Variants in BRSK2 observed in about 807,000 individuals in gnomAD.
The protein encoded by BRSK2 is BR serine/threonine kinase 2.
In BRSK2, 19 loss-of-function variants were observed where a neutral mutation model predicts 83.3. That is an observed-to-expected ratio of 0.23 (90% CI 0.16 to 0.33). The LOEUF is 0.33. Among genes scored for constraint, BRSK2 ranks in the 10% least tolerant of loss-of-function variants. BRSK2 has a pLI of 1.00. For missense variants in BRSK2, 798 were observed against 1,042.3 expected (o/e 0.77, Z 3.23); for synonymous variants, 519 against 435.4 (o/e 1.19, Z -2.39).
intron 12 of BRSK2, among the ~76,000 whole-genome samples, chr11:1,446,113 A>ACTGGACTGGGCTAG (rs1564859315): frequency 0.027 from 2,652 of 97,162 alleles, 70 homozygotes; most frequent in African/African-American, 0.085. Flanking sequence ...CTGGGCTGGG[A>ACTGGACTGGGCTAG]GCTGAGCTGG....
Position 1,454,649 on chromosome 11 carries a change from A to C in BRSK2, c.1668+41A>C. The stretch of plus-strand genomic sequence containing the variant: ...GCTGGGGGAGGCGGGCAGCCCTCCC[A>C]ACCCCACACGGCCCAGCCCCGAGAA... On this transcript the variant is annotated intron_variant, in intron 16 of 19. Coordinates refer to ENST00000528841, the MANE Select transcript of BRSK2 (RefSeq NM_001256627.2). The surrounding 1 kb of genome is among the most constrained non-coding windows in gnomAD (Gnocchi z 5.2). The C allele has an allele frequency of 6.2e-7, 1 of 1,608,448 alleles. No homozygotes were observed. The highest frequency in any genetic ancestry group is 8.5e-7 in the Non-Finnish European group (1 of 1,178,384).
In BRSK2 at chr11:1,449,786, A is replaced by G. The variant is rs376752748; in HGVS notation, c.1237A>G (p.Ile413Val). Residue 413 changes from isoleucine to valine, a missense_variant, in exon 13 of 20, where the codon ATC (isoleucine) becomes GTC (valine). Coordinates refer to ENST00000528841, the MANE Select transcript of BRSK2 (RefSeq NM_001256627.2). The stretch of plus-strand genomic sequence containing the variant: ...CCTTGTGACCTCCAGGTCTCGGTCC[A>G]TCAGCGGTGCCTCCTCAGGCCTTTC... ...MAQHGQRSRS[I>V]SGASSGLSTS... The G allele has an allele frequency of 2.3e-5, 37 of 1,612,000 alleles. No homozygotes were observed. The highest frequency in any genetic ancestry group is 3.0e-5 in the Non-Finnish European group (35 of 1,179,490).
intron 1 of BRSK2, among the ~76,000 whole-genome samples, chr11:1,424,083 G>A (rs915794360): frequency 7.2e-5 from 11 of 152,172 alleles, no homozygotes; most frequent in Non-Finnish European, 1.2e-4. Flanking sequence ...ACATTCATGC[G>A]CCCCAGGCAC....
intron 1 of BRSK2, among the ~76,000 whole-genome samples, chr11:1,418,167 T>A (rs1408212622): frequency 2.1e-5 from 3 of 145,128 alleles, no homozygotes; most frequent in African/African-American, 7.8e-5. Context: ...TTCTGTTGGC[T>A]GTTTCTTCTC....
At chr11:1,455,867 G>A (rs1463105891) in intron 16 of BRSK2, among the ~76,000 whole-genome samples, 4 of 152,046 alleles carry the variant, frequency 2.6e-5, no homozygotes, top group African/African-American at 4.8e-5. Context: ...CACCCAGCCA[G>A]TGCCCAGCAC....
intron 1 of BRSK2, among the ~76,000 whole-genome samples, chr11:1,425,816 C>T (rs1025706006): frequency 4.6e-5 from 7 of 152,168 alleles, no homozygotes; most frequent in African/African-American, 9.7e-5. Context: ...CACTCCAGGC[C>T]GTGGCACTAG....
chr11:1,418,822 C>T (rs1848365966), intron 1 of BRSK2, among the ~76,000 whole-genome samples: 1 of 152,274 alleles, frequency 6.6e-6, no homozygotes, highest in South Asian at 2.1e-4. Context: ...CAGATCCAAA[C>T]AGGACTTCAG....
At chr11:1,433,932 C>G (rs1849926504) in intron 1 of BRSK2, among the ~76,000 whole-genome samples, 1 of 152,258 alleles carries the variant, frequency 6.6e-6, no homozygotes, top group South Asian at 2.1e-4. Flanking sequence ...GGGTCCCCCA[C>G]CCGGCCTGGG....
At chr11:1,451,632 T>C (rs1274360876) in intron 15 of BRSK2, among the ~76,000 whole-genome samples, 1 of 152,144 alleles carries the variant, frequency 6.6e-6, no homozygotes, top group African/African-American at 2.4e-5. Context: ...CCCAGCCCTG[T>C]TGAGAAGCTT....
At chr11:1,392,354 A>G (rs1158958081) in intron 1 of BRSK2, among the ~76,000 whole-genome samples, 1 of 152,174 alleles carries the variant, frequency 6.6e-6, no homozygotes, top group Non-Finnish European at 1.5e-5. Flanking sequence ...CCTTCCAGGG[A>G]CCTGGCCACA....
At chr11:1,404,795 C>T (rs917516864) in intron 1 of BRSK2, among the ~76,000 whole-genome samples, 18 of 152,228 alleles carry the variant, frequency 1.2e-4, no homozygotes, top group South Asian at 6.2e-4. Flanking sequence ...ATTCTTACCG[C>T]GCCCTGGAGA....
chr11:1,454,626 TG>T lies in BRSK2; in HGVS notation c.1668+23del. ...TCCTGTCGGTGAGGCCACAGGGCGC[TG>T]GGGGAGGCGGGCAGCCCTCCCAACC... On this transcript the variant is annotated intron_variant, in intron 16 of 19. Transcript: ENST00000528841. The surrounding 1 kb of genome is among the most constrained non-coding windows in gnomAD (Gnocchi z 5.2). 1 of 1,611,852 alleles carries T rather than the reference TG, an allele frequency of 6.2e-7. No homozygotes were observed.
chr11:1,416,596 A>C (rs1190529096), intron 1 of BRSK2, among the ~76,000 whole-genome samples: 3 of 152,058 alleles, frequency 2.0e-5, no homozygotes, highest in Non-Finnish European at 2.9e-5. Context: ...CTGAATGTAG[A>C]ATTCTGGGTT....
chr11:1,445,064 G>C, intron 9 of BRSK2, 62 bp downstream of exon 9: 1 of 1,583,468 alleles, frequency 6.3e-7, no homozygotes, highest in Non-Finnish European at 8.7e-7. Context: ...TGGAGGCCCT[G>C]CTAGGAAAGG....
chr11:1,422,322 C>T (rs565898849), intron 1 of BRSK2, among the ~76,000 whole-genome samples: 12 of 152,246 alleles, frequency 7.9e-5, no homozygotes, highest in African/African-American at 2.2e-4. Context: ...CTCCTCCAGC[C>T]GCTCCTCCAC....
intron 1 of BRSK2, among the ~76,000 whole-genome samples, chr11:1,397,587 C>A (rs541076731): frequency 6.6e-6 from 1 of 152,364 alleles, no homozygotes; most frequent in African/African-American, 2.4e-5. Context: ...GGGCTGCAGG[C>A]TGGGCCTGGC....
chr11:1,422,217 G>A (rs924970596), intron 1 of BRSK2, among the ~76,000 whole-genome samples: 6 of 152,244 alleles, frequency 3.9e-5, no homozygotes, highest in South Asian at 4.1e-4. Context: ...GATTGGGGGC[G>A]GGGGCTGGCC....
At chr11:1,409,824 C>G (rs1341903064) in intron 1 of BRSK2, 1 of 152,080 alleles carries the variant, frequency 6.6e-6, no homozygotes, top group Admixed American at 6.5e-5. Flanking sequence ...AGCGCACCAG[C>G]GGCTCCAAAA....
rs377515324 is a variant in BRSK2 at position 1,449,803 on chromosome 11, A to C, written c.1254A>C (p.Ser418=). 1.9e-6 allele frequency: 3 copies of C among 1,611,826 alleles called. No homozygotes were observed. Among genetic ancestry groups the C allele is most frequent in the Non-Finnish European group, 2.5e-6 (3 of 1,179,430 alleles). The change falls in exon 13 of 20, where the codon TCA becomes TCC. Residue 418 remains serine, a synonymous_variant. Coordinates refer to ENST00000528841, the MANE Select transcript of BRSK2 (RefSeq NM_001256627.2). ...QRSRSISGAS[S]GLSTSPLSSP... is the part of the protein sequence containing the mutation. ...CTCGGTCCATCAGCGGTGCCTCCTC[A>C]GGCCTTTCCACCAGCCCACTCAGCA...
Sources: gnomAD v4.1 joint callset for allele counts (sites outside exome capture counted in the v4.1 genomes callset) on GRCh38, gnomAD v4.1.1 for gene constraint, Gnocchi (gnomAD v3.1) non-coding constraint, MANE v1.5 for transcripts, NCBI Gene and HGNC (gene_info 2026-07-23, HGNC 2026-07-21) for gene names.